ZBTB7C: variants seen among roughly 807,000 people sequenced by gnomAD.
ZBTB7C encodes zinc finger and BTB domain containing 7C.
Under a neutral mutation model 25.7 loss-of-function variants are expected in ZBTB7C, and 8 were observed. The observed-to-expected ratio is 0.31, with a 90% CI of 0.18 to 0.56. ZBTB7C has a LOEUF of 0.56. ZBTB7C is among the 20% of genes least tolerant of loss of function. The pLI is 0.91. For missense variants in ZBTB7C, 824 were observed against 855.2 expected (o/e 0.96, Z 0.46); for synonymous variants, 394 against 369.0 (o/e 1.07, Z -0.78).
intron 3 of ZBTB7C, among the ~76,000 whole-genome samples, chr18:48,172,110 G>A (rs971516830): frequency 6.6e-6 from 1 of 152,224 alleles, no homozygotes; most frequent in African/African-American, 2.4e-5. Flanking sequence ...AACCTATTGT[G>A]TAGGCTGCAG....
chr18:48,107,804 C>T lies in ZBTB7C; in HGVS notation c.-16-66681G>A, dbSNP rs377534827. ...GAGCTTGTCTCAAGTGCTGAGATGG[C>T]GCCTAGGAGAACTCCACAGGTGCCC... On this transcript the variant is annotated intron_variant, in intron 3 of 4. Coordinates refer to ENST00000590800, the MANE Select transcript of ZBTB7C (RefSeq NM_001318841.2). Among the ~76,000 whole-genome samples the T allele has an allele frequency of 4.6e-5, 7 of 152,180 alleles. No individual in the cohort carries two copies. The East Asian group carries it at 9.7e-4, about 21-fold the overall frequency.
At chr18:48,156,873 C>T (rs1286005244) in intron 3 of ZBTB7C, among the ~76,000 whole-genome samples, 2 of 151,874 alleles carry the variant, frequency 1.3e-5, no homozygotes, top group African/African-American at 4.8e-5. Flanking sequence ...AGAGGAGAGA[C>T]CAGGATTGGG....
At chr18:48,126,201 T>G (rs1224523860) in intron 3 of ZBTB7C, among the ~76,000 whole-genome samples, 1 of 152,220 alleles carries the variant, frequency 6.6e-6, no homozygotes, top group African/African-American at 2.4e-5. Context: ...ATAATTACTT[T>G]AAAAAATCCA....
intron 2 of ZBTB7C, among the ~76,000 whole-genome samples, chr18:48,317,327 G>C (rs1460556885): frequency 6.7e-6 from 1 of 150,130 alleles, no homozygotes; most frequent in Admixed American, 6.6e-5. Flanking sequence ...GCTAAAAACT[G>C]CTCCTAGACA....
chr18:48,191,222 G>A (rs2042186855), intron 2 of ZBTB7C, among the ~76,000 whole-genome samples: 1 of 152,200 alleles, frequency 6.6e-6, no homozygotes, highest in South Asian at 2.1e-4. Context: ...ACCCCTCAGT[G>A]AGTGTCTGTG....
intron 3 of ZBTB7C, among the ~76,000 whole-genome samples, chr18:48,116,956 C>G (rs891237669): frequency 2.6e-5 from 4 of 152,114 alleles, no homozygotes; most frequent in Non-Finnish European, 5.9e-5. Context: ...TCTTTCCTAG[C>G]TCCCACGGCA....
intron 2 of ZBTB7C, among the ~76,000 whole-genome samples, chr18:48,330,943 C>A (rs985116699): frequency 3.9e-5 from 6 of 152,136 alleles, no homozygotes; most frequent in African/African-American, 1.4e-4. Flanking sequence ...ACCAAGTGAT[C>A]CATAACCAAC....
At chr18:48,107,291 TGAG>T (rs2039067265) in intron 3 of ZBTB7C, among the ~76,000 whole-genome samples, 1 of 143,710 alleles carries the variant, frequency 7.0e-6, no homozygotes, top group Non-Finnish European at 1.5e-5. Context: ...AGAGGAAGAT[TGAG>T]GAGGAGTGAG....
Position 48,070,794 on chromosome 18 carries a change from C to T in ZBTB7C, c.-16-29671G>A, listed in dbSNP as rs78881805. ...AGATCCAGAGGCCTCCCTAGCCCAC[C>T]CCATCCTGCCCTTCCCATGTTTCTG... On this transcript the variant is annotated intron_variant, in intron 3 of 4. Transcript: ENST00000590800. Among the ~76,000 whole-genome samples the T allele has an allele frequency of 5.3e-3, 804 of 152,252 alleles. 8 individuals are homozygous for T. The highest frequency in any genetic ancestry group is 0.019 in the African/African-American group (770 of 41,536).
At chr18:48,308,643 G>A (rs1051534484) in intron 2 of ZBTB7C, among the ~76,000 whole-genome samples, 1 of 152,218 alleles carries the variant, frequency 6.6e-6, no homozygotes, top group Non-Finnish European at 1.5e-5. Flanking sequence ...ACTTCAATAA[G>A]GGTTTCTAAG....
At chr18:48,077,850 G>A (rs4940236) in intron 3 of ZBTB7C, among the ~76,000 whole-genome samples, 66,658 of 151,974 alleles carry the variant, frequency 0.44, 16,972 homozygotes, top group African/African-American at 0.71. Context: ...AAGATGCTGA[G>A]GAGACCCACC....
intron 2 of ZBTB7C, among the ~76,000 whole-genome samples, chr18:48,280,488 A>G (rs1022813925): frequency 6.6e-6 from 1 of 152,120 alleles, no homozygotes; most frequent in African/African-American, 2.4e-5. Flanking sequence ...CTGGCTTCTC[A>G]AGCCCTACAC....
intron 1 of ZBTB7C, among the ~76,000 whole-genome samples, chr18:48,367,687 A>G (rs1397011328): frequency 1.3e-5 from 2 of 152,012 alleles, no homozygotes; most frequent in African/African-American, 4.8e-5. Context: ...CATGTCAGCA[A>G]AGGCCACATG....
chr18:48,396,112 C>G (rs143516884), intron 1 of ZBTB7C, among the ~76,000 whole-genome samples: 22 of 152,104 alleles, frequency 1.4e-4, no homozygotes, highest in Non-Finnish European at 3.1e-4. Flanking sequence ...ATCCCTACCC[C>G]CCTCTCAAAG....
At chr18:48,033,707 C>G (rs2035854532) in intron 4 of ZBTB7C, among the ~76,000 whole-genome samples, 1 of 152,176 alleles carries the variant, frequency 6.6e-6, no homozygotes, top group Admixed American at 6.5e-5. Flanking sequence ...TTCTCAGGAC[C>G]TTGAAAACAC....
chr18:48,155,318 CTTTTTTT>C (rs578058729), intron 3 of ZBTB7C, among the ~76,000 whole-genome samples: 5 of 78,004 alleles, frequency 6.4e-5, no homozygotes, highest in Admixed American at 3.5e-4. Flanking sequence ...CTGTAATATT[CTTTTTTT>C]TTTTTTTTTT....
chr18:48,341,736 G>A (rs150050192), intron 1 of ZBTB7C, among the ~76,000 whole-genome samples: 5 of 152,222 alleles, frequency 3.3e-5, no homozygotes, highest in Non-Finnish European at 7.3e-5. Context: ...CCATCATCAT[G>A]CACTGCCATG....
intron 2 of ZBTB7C, among the ~76,000 whole-genome samples, chr18:48,330,964 C>T (rs570135626): frequency 6.6e-6 from 1 of 152,264 alleles, no homozygotes; most frequent in Non-Finnish European, 1.5e-5. Context: ...AAAGGGAGAG[C>T]CCATCTAAAT....
chr18:48,146,812 G>A (rs1052415213), intron 3 of ZBTB7C, among the ~76,000 whole-genome samples: 4 of 152,220 alleles, frequency 2.6e-5, no homozygotes, highest in Non-Finnish European at 1.5e-5. Context: ...CTAGTATAAT[G>A]TCATCAGTCA....
Sources: gnomAD v4.1 joint callset for allele counts (sites outside exome capture counted in the v4.1 genomes callset) on GRCh38, gnomAD v4.1.1 for gene constraint, MANE v1.5 for transcripts, NCBI Gene and HGNC (gene_info 2026-07-23, HGNC 2026-07-21) for gene names.